The following CARS1 variants were observed in gnomAD, a reference collection of about 807,000 sequenced individuals.
The protein encoded by CARS1 is cysteine--tRNA ligase, cytoplasmic.
Under a neutral mutation model 106.2 loss-of-function variants are expected in CARS1, and 48 were observed. The observed-to-expected ratio is 0.45, with a 90% confidence interval of 0.36 to 0.57. The LOEUF is 0.57. CARS1 is among the 20% of genes least tolerant of loss of function. The probability of loss-of-function intolerance (pLI) is 0.00; values close to 1 mark genes in which losing one functional copy is unlikely to be tolerated. For missense variants in CARS1, 968 were observed against 1,057.2 expected, an observed-to-expected ratio of 0.92 and a Z score of 1.17; for synonymous variants, 409 against 403.4, an observed-to-expected ratio of 1.01 and a Z score of -0.17.
At chr11:3,013,929 C>G (rs114049938) in intron 17 of CARS1, among the ~76,000 whole-genome samples, 1 of 152,064 alleles carries the variant, frequency 6.6e-6, no homozygotes, top group Admixed American at 6.5e-5. Flanking sequence ...CTGGCATGGG[C>G]GACAGAGTGA....
chr11:3,021,332 G>C lies in CARS1; in HGVS notation c.1154-1000C>G, dbSNP rs368742301. ...CCAGGACCCACGCCAGGTCTTGCCCGGCTGCTGCAGCCTTTCCTGGTCCCT... is the reference window on the plus strand; with the variant it reads ...CCAGGACCCACGCCAGGTCTTGCCCCGCTGCTGCAGCCTTTCCTGGTCCCT... On this transcript the variant is annotated intron_variant, in intron 10 of 22. Transcript: ENST00000380525. The surrounding 1 kb of genome is among the most constrained non-coding windows in gnomAD (Gnocchi z 5.3). Among the ~76,000 whole-genome samples, 1 of 152,198 alleles carries C rather than the reference G, an allele frequency of 6.6e-6. No homozygotes were observed. The highest frequency in any genetic ancestry group is 1.5e-5 in the Non-Finnish European group (1 of 68,044).
intron 17 of CARS1, among the ~76,000 whole-genome samples, chr11:3,013,720 G>T (rs1011890126): frequency 1.8e-4 from 27 of 152,160 alleles, no homozygotes; most frequent in Non-Finnish European, 2.1e-4. Context: ...GGGCATGGTG[G>T]TGCATGCCTG....
In CARS1 at chr11:3,002,113, T is replaced by C. The variant is rs1849452233; in HGVS notation, c.2278-60A>G. 4.4e-6 allele frequency: 5 copies of C among 1,124,472 alleles called. No individual in the cohort carries two copies. In the Admixed American group the frequency reaches 8.5e-5, roughly 19 times the overall value. The allele number at this position is 1,124,472 out of a possible 1,614,324, so 69.7% of individuals were successfully genotyped here. A position where few individuals can be genotyped will look rare whatever the true frequency, so the allele number is the denominator to read the frequency against. ...GAGCAGCACCTGGGGCTCCGCACTG[T>C]GAACGACATCTGCTCATACCTCCAG... On this transcript the variant is annotated intron_variant, in intron 21 of 22. Coordinates refer to ENST00000380525, the MANE Select transcript of CARS1 (RefSeq NM_001014437.3).
intron 10 of CARS1, among the ~76,000 whole-genome samples, chr11:3,025,754 G>A (rs565550760): frequency 1.7e-4 from 26 of 152,296 alleles, no homozygotes; most frequent in African/African-American, 5.8e-4. Flanking sequence ...AAACACCAAC[G>A]AAAGGGTTCC....
chr11:3,041,274 ATGC>A lies in CARS1; in HGVS notation c.367-293_367-291del, dbSNP rs1854412185. On this transcript the variant is annotated intron_variant, in intron 3 of 22. Coordinates refer to ENST00000380525, the MANE Select transcript of CARS1 (RefSeq NM_001014437.3). This position sits in a 1 kb window ranked among gnomAD's most constrained non-coding sequence, Gnocchi z 4.9. ...ATCAATGATTTTATTGATTGTTGAA[ATGC>A]TGCTTATTTAACAATAACACAGCTA... is the stretch of plus-strand genomic sequence containing the variant. 1 of 437,236 alleles carries A rather than the reference ATGC, an allele frequency of 2.3e-6. No individual in the cohort carries two copies. The highest frequency in any genetic ancestry group is 4.2e-6 in the Non-Finnish European group (1 of 240,302). 27.1% of individuals were successfully genotyped at this position (437,236 alleles called of 1,614,324 possible).
intron 1 of CARS1, among the ~76,000 whole-genome samples, chr11:3,049,510 G>A (rs1012354733): frequency 1.3e-5 from 2 of 152,224 alleles, no homozygotes; most frequent in African/African-American, 4.8e-5. Flanking sequence ...GCCAGAGGAG[G>A]GAGTCTGGTC....
chr11:3,035,736 C>T (rs1853527044), intron 7 of CARS1, among the ~76,000 whole-genome samples: 1 of 152,166 alleles, frequency 6.6e-6, no homozygotes, highest in Non-Finnish European at 1.5e-5. Flanking sequence ...TCCTCTTGCC[C>T]TGGCTTCCCA....
At position 3,022,319 on chromosome 11, in the gene CARS1, C is replaced by G. The variant is rs1014246554; in HGVS notation, c.1154-1987G>C. Among the ~76,000 whole-genome samples the G allele has an allele frequency of 6.6e-6, 1 of 152,192 alleles. No individual in the cohort carries two copies. The highest frequency in any genetic ancestry group is 1.5e-5 in the Non-Finnish European group (1 of 68,032). On this transcript the variant is annotated intron_variant, in intron 10 of 22. Coordinates refer to ENST00000380525, the MANE Select transcript of CARS1 (RefSeq NM_001014437.3). This position sits in a 1 kb window ranked among gnomAD's most constrained non-coding sequence, Gnocchi z 4.9. ...CTGAAGACCTGCACCAAGGAACTGA[C>G]TCGTCGCAGAAATGTGGTTTACCTC...
rs903308638 is a variant in CARS1 at position 3,052,324 on chromosome 11, A to C, written c.26-4323T>G. Among the ~76,000 whole-genome samples the C allele has an allele frequency of 3.9e-5, 6 of 152,302 alleles. No homozygotes were observed. The highest frequency in any genetic ancestry group is 8.8e-5 in the Non-Finnish European group (6 of 68,020). On this transcript the variant is annotated intron_variant, in intron 1 of 22. Transcript: ENST00000380525. The surrounding 1 kb of genome is among the most constrained non-coding windows in gnomAD (Gnocchi z 4.6). ...TGTAAAGCTGCAGGCCATTAAGTCAAATGACACTTGTAAAATGTTTAAAAG... is the reference window on the plus strand; with the variant it reads ...TGTAAAGCTGCAGGCCATTAAGTCACATGACACTTGTAAAATGTTTAAAAG...
At chr11:3,042,139 T>C in intron 3 of CARS1, 26 bp downstream of exon 3, 2 of 1,575,778 alleles carry the variant, frequency 1.3e-6, no homozygotes, top group Non-Finnish European at 1.7e-6. Context: ...TGTGTGCGTG[T>C]GCCACGGCAT....
chr11:3,055,362 C>T (rs1396273765), intron 1 of CARS1, among the ~76,000 whole-genome samples: 2 of 152,170 alleles, frequency 1.3e-5, no homozygotes, highest in African/African-American at 2.4e-5. Context: ...ACCATGGTCT[C>T]GATCTCCTGA....
At chr11:3,036,102 AT>A (rs1445356399) in intron 7 of CARS1, among the ~76,000 whole-genome samples, 1 of 152,250 alleles carries the variant, frequency 6.6e-6, no homozygotes, top group South Asian at 2.1e-4. Flanking sequence ...ATGTGGCTGC[AT>A]TTTTTTCCTG....
Position 3,057,409 on chromosome 11 carries a change from C to T in CARS1, c.-42G>A. 3.1e-6 allele frequency: 5 copies of T among 1,593,510 alleles called. No individual in the cohort carries two copies. The highest frequency in any genetic ancestry group is 4.3e-6 in the Non-Finnish European group (5 of 1,165,632). Reference sequence around the variant, plus strand: ...CCCGCAGCTGCGGCTACAGACACTTCCTAGAATCTGATGCAACCGCCGCCC... The same window carrying T: ...CCCGCAGCTGCGGCTACAGACACTTTCTAGAATCTGATGCAACCGCCGCCC... On this transcript the variant is annotated 5_prime_UTR_variant, in exon 1 of 23. Coordinates refer to ENST00000380525, the MANE Select transcript of CARS1 (RefSeq NM_001014437.3).
At position 3,050,574 on chromosome 11, in the gene CARS1, G is replaced by A. The variant is rs1446680397; in HGVS notation, c.26-2573C>T. Among the ~76,000 whole-genome samples the A allele has an allele frequency of 6.6e-6, 1 of 152,182 alleles. No individual in the cohort carries two copies. The highest frequency in any genetic ancestry group is 1.5e-5 in the Non-Finnish European group (1 of 68,032). On this transcript the variant is annotated intron_variant, in intron 1 of 22. Coordinates refer to ENST00000380525, the MANE Select transcript of CARS1 (RefSeq NM_001014437.3). This position sits in a 1 kb window ranked among gnomAD's most constrained non-coding sequence, Gnocchi z 6.3. The stretch of plus-strand genomic sequence containing the variant: ...CCCTCACAGCCACAGGCCTCCAGCG[G>A]CCCTGCTGAAAAGCGCACGTTCACA...
Position 3,052,505 on chromosome 11 carries a change from T to C in CARS1, c.26-4504A>G, listed in dbSNP as rs367902529. 1.3e-5 allele frequency among the ~76,000 whole-genome samples: 2 copies of C among 152,208 alleles called. No individual in the cohort carries two copies. Among genetic ancestry groups the C allele is most frequent in the East Asian group, 3.8e-4 (2 of 5,204 alleles). ...ACCCATTTTTATTTAATTAATTTTA[T>C]TATTTTAAAAGTTTATTACCAAATC... On this transcript the variant is annotated intron_variant, in intron 1 of 22. Coordinates refer to ENST00000380525, the MANE Select transcript of CARS1 (RefSeq NM_001014437.3). This position sits in a 1 kb window ranked among gnomAD's most constrained non-coding sequence, Gnocchi z 4.6.
Position 3,039,428 on chromosome 11 carries a change from C to T in CARS1, c.553-136G>A. 1 of 622,110 alleles carries T rather than the reference C, an allele frequency of 1.6e-6. No homozygotes were observed. Among genetic ancestry groups the T allele is most frequent in the Non-Finnish European group, 2.9e-6 (1 of 345,358 alleles). 38.5% of individuals were successfully genotyped at this position (622,110 alleles called of 1,614,324 possible). ...GAGACAACTGTGGGCCCCGGACGTGCACACCATCATCAAATAGAAACACCA... is the reference window on the plus strand; with the variant it reads ...GAGACAACTGTGGGCCCCGGACGTGTACACCATCATCAAATAGAAACACCA... On this transcript the variant is annotated intron_variant, in intron 5 of 22. Transcript: ENST00000380525. This position sits in a 1 kb window ranked among gnomAD's most constrained non-coding sequence, Gnocchi z 5.6.
Position 3,037,271 on chromosome 11 carries a change from C to T in CARS1, c.801+779G>A, listed in dbSNP as rs1200801048. Among the ~76,000 whole-genome samples the T allele has an allele frequency of 6.6e-6, 1 of 152,212 alleles. No homozygotes were observed. The highest frequency in any genetic ancestry group is 1.9e-4 in the East Asian group (1 of 5,198). On this transcript the variant is annotated intron_variant, in intron 7 of 22. Transcript: ENST00000380525. The surrounding 1 kb of genome is among the most constrained non-coding windows in gnomAD (Gnocchi z 5.9). ...AACGAAGCGATCTGCTGAGTCAGGA[C>T]ACAGAAGAGACCAAACTAGAAAGAA...
At position 3,038,000 on chromosome 11, in the gene CARS1, G is replaced by A; in HGVS notation, c.801+50C>T. 6.4e-7 allele frequency: 1 copy of A among 1,572,170 alleles called. No homozygotes were observed. Among genetic ancestry groups the A allele is most frequent in the Non-Finnish European group, 8.7e-7 (1 of 1,148,284 alleles). On this transcript the variant is annotated intron_variant, in intron 7 of 22. Coordinates refer to ENST00000380525, the MANE Select transcript of CARS1 (RefSeq NM_001014437.3). This position sits in a 1 kb window ranked among gnomAD's most constrained non-coding sequence, Gnocchi z 5.9. The stretch of plus-strand genomic sequence containing the variant: ...GTGCACACAGATCAGTCTATGCACG[G>A]CCCGACATTTGACCCGAACGGGCTG...
At position 3,053,263 on chromosome 11, in the gene CARS1, G is replaced by C. The variant is rs929573575; in HGVS notation, c.25+4080C>G. Among the ~76,000 whole-genome samples, 1 of 151,396 alleles carries C rather than the reference G, an allele frequency of 6.6e-6. No individual in the cohort carries two copies. The highest frequency in any genetic ancestry group is 1.5e-5 in the Non-Finnish European group (1 of 67,900). On this transcript the variant is annotated intron_variant, in intron 1 of 22. Coordinates refer to ENST00000380525, the MANE Select transcript of CARS1 (RefSeq NM_001014437.3). This position sits in a 1 kb window ranked among gnomAD's most constrained non-coding sequence, Gnocchi z 6.6. ...ATTTTATTTTTTGAGACGGAGTCTC[G>C]CTCGTCACCCAGGCTGGAGTGCAGT...
Sources: gnomAD v4.1 joint callset for allele counts (sites outside exome capture counted in the v4.1 genomes callset) on GRCh38, gnomAD v4.1.1 for gene constraint, Gnocchi (gnomAD v3.1) non-coding constraint, MANE v1.5 for transcripts, NCBI Gene and HGNC (gene_info 2026-07-23, HGNC 2026-07-21) for gene names.